KCNQ1OT1: variants seen among roughly 807,000 people sequenced by gnomAD.
The protein encoded by KCNQ1OT1 is KCNQ1 antisense RNA 2 (non-protein coding).
chr11:2,654,994 C>G lies in KCNQ1OT1; in HGVS notation n.45001G>C, dbSNP rs1487433664. ...AAAGTATCATGCAAAATAGAAAACACAGACACAATAAGGAAGGAAATGAAA... is the reference window on the plus strand; with the variant it reads ...AAAGTATCATGCAAAATAGAAAACAGAGACACAATAAGGAAGGAAATGAAA... On this transcript the variant is annotated non_coding_transcript_exon_variant, in exon 1 of 1. Transcript: ENST00000597346. This position sits in a 1 kb window ranked among gnomAD's most constrained non-coding sequence, Gnocchi z 6.4. The G allele has an allele frequency of 2.5e-6, 1 of 398,510 alleles. No homozygotes were observed. Among genetic ancestry groups the G allele is most frequent in the Non-Finnish European group, 4.4e-6 (1 of 226,070 alleles). The allele number at this position is 398,510 out of a possible 1,614,324, so 24.7% of individuals were successfully genotyped here. A position where few individuals can be genotyped will look rare whatever the true frequency, so the allele number is the denominator to read the frequency against.
chr11:2,649,631 A>G (rs1369039499), exon 1 of KCNQ1OT1: 3 of 398,444 alleles, frequency 7.5e-6, no homozygotes, highest in African/African-American at 4.1e-5. Flanking sequence ...ATGGCATTCA[A>G]TTCTTTCCTG....
rs1849689188 is a variant in KCNQ1OT1, at chr11:2,647,807, T to A, written n.52188A>T. 5.0e-6 allele frequency: 2 copies of A among 398,452 alleles called. No homozygotes were observed. The highest frequency in any genetic ancestry group is 4.4e-6 in the Non-Finnish European group (1 of 226,058). 24.7% of individuals were successfully genotyped at this position (398,452 alleles called of 1,614,324 possible). Reference sequence around the variant, plus strand: ...AGTTGTTCATAATGGTCTCTAATAATCTTTTGTATTTCTGTGGTGTCCATT... The same window carrying A: ...AGTTGTTCATAATGGTCTCTAATAAACTTTTGTATTTCTGTGGTGTCCATT... On this transcript the variant is annotated non_coding_transcript_exon_variant, in exon 1 of 1. Coordinates refer to ENST00000597346, the Ensembl canonical transcript of KCNQ1OT1. This position sits in a 1 kb window ranked among gnomAD's most constrained non-coding sequence, Gnocchi z 4.0.
exon 1 of KCNQ1OT1, chr11:2,622,718 G>A (rs1849195291): frequency 2.5e-6 from 1 of 398,432 alleles, no homozygotes; most frequent in East Asian, 3.6e-5. Context: ...GTATTTTAAA[G>A]ACTTTATATT....
chr11:2,628,506 C>T (rs1301863625), exon 1 of KCNQ1OT1: 1 of 398,144 alleles, frequency 2.5e-6, no homozygotes, highest in African/African-American at 2.1e-5. Flanking sequence ...AGTTTTTTTG[C>T]TAGTTATATG....
rs2133804257 is a variant in KCNQ1OT1, at chr11:2,620,992, T to C, written n.79003A>G. The stretch of plus-strand genomic sequence containing the variant: ...TTGCTTTTTTGTTTGTTTGTTTGTT[T>C]TTTGAGAAAGAGTCTTGCTCTGTCT... On this transcript the variant is annotated non_coding_transcript_exon_variant, in exon 1 of 1. Transcript: ENST00000597346. The surrounding 1 kb of genome is among the most constrained non-coding windows in gnomAD (Gnocchi z 4.5). 1 of 397,856 alleles carries C rather than the reference T, an allele frequency of 2.5e-6. No homozygotes were observed. The highest frequency in any genetic ancestry group is 3.6e-5 in the East Asian group (1 of 28,058). The allele number at this position is 397,856 out of a possible 1,614,324, so 24.6% of individuals were successfully genotyped here.
exon 1 of KCNQ1OT1, chr11:2,631,041 A>C (rs1001096021): frequency 3.5e-5 from 14 of 398,394 alleles, no homozygotes. Context: ...TTTTGATGGC[A>C]ATATATCTAG....
At chr11:2,631,272 C>A in exon 1 of KCNQ1OT1, 1 of 398,432 alleles carries the variant, frequency 2.5e-6, no homozygotes, top group East Asian at 3.6e-5. Flanking sequence ...CCCTTGTTAC[C>A]TTTTCATTCT....
rs963937034 is a variant in KCNQ1OT1, at chr11:2,664,982, G to T, written n.35013C>A. Reference sequence around the variant, plus strand: ...TGATTACGGGAAGGTCCCTGGGGCTGGGCGAAGCTCCTCTTTCCGGGGCCT... The same window carrying T: ...TGATTACGGGAAGGTCCCTGGGGCTTGGCGAAGCTCCTCTTTCCGGGGCCT... On this transcript the variant is annotated non_coding_transcript_exon_variant, in exon 1 of 1. Coordinates refer to ENST00000597346, the Ensembl canonical transcript of KCNQ1OT1. This position sits in a 1 kb window ranked among gnomAD's most constrained non-coding sequence, Gnocchi z 5.1. 13 of 398,540 alleles carry T rather than the reference G, an allele frequency of 3.3e-5. No homozygotes were observed. Among genetic ancestry groups the T allele is most frequent in the Non-Finnish European group, 5.3e-5 (12 of 226,128 alleles). The allele number at this position is 398,540 out of a possible 1,614,324, so 24.7% of individuals were successfully genotyped here.
At position 2,621,025 on chromosome 11, in the gene KCNQ1OT1, T is replaced by G; in HGVS notation, n.78970A>C. 2.5e-6 allele frequency: 1 copy of G among 397,340 alleles called. No individual in the cohort carries two copies. The highest frequency in any genetic ancestry group is 3.6e-5 in the East Asian group (1 of 28,048). 24.6% of individuals were successfully genotyped at this position (397,340 alleles called of 1,614,324 possible). A position where few individuals can be genotyped will look rare whatever the true frequency, so the allele number is the denominator to read the frequency against. On this transcript the variant is annotated non_coding_transcript_exon_variant, in exon 1 of 1. Transcript: ENST00000597346. This position sits in a 1 kb window ranked among gnomAD's most constrained non-coding sequence, Gnocchi z 5.7. ...AAGAGTCTTGCTCTGTCTCCCAGGC[T>G]GGAGTGCAGTGGCGCAATCTCGGCT...
rs1054115951 is a variant in KCNQ1OT1 at position 2,676,899 on chromosome 11, T to C, written n.23096A>G. 2 of 398,508 alleles carry C rather than the reference T, an allele frequency of 5.0e-6. No individual in the cohort carries two copies. The highest frequency in any genetic ancestry group is 4.4e-6 in the Non-Finnish European group (1 of 226,060). The allele number at this position is 398,508 out of a possible 1,614,324, so 24.7% of individuals were successfully genotyped here. A position where few individuals can be genotyped will look rare whatever the true frequency, so the allele number is the denominator to read the frequency against. On this transcript the variant is annotated non_coding_transcript_exon_variant, in exon 1 of 1. Coordinates refer to ENST00000597346, the Ensembl canonical transcript of KCNQ1OT1. This position sits in a 1 kb window ranked among gnomAD's most constrained non-coding sequence, Gnocchi z 4.2. ...TTTCTTAGTAAGTGTTCAGCCCCAG[T>C]GTGCACCACTTAAAAGGAAGACACT...
exon 1 of KCNQ1OT1, chr11:2,648,234 G>T: frequency 2.5e-6 from 1 of 398,634 alleles, no homozygotes; most frequent in South Asian, 1.3e-4. Flanking sequence ...TCATTTCATT[G>T]ATCTTTTGTC....
At chr11:2,699,241 A>G (rs765138151) in exon 1 of KCNQ1OT1, 7 of 398,674 alleles carry the variant, frequency 1.8e-5, no homozygotes, top group East Asian at 1.1e-4. Context: ...CACGCTGTCC[A>G]TAAGGTGCAG....
At chr11:2,637,441 A>G (rs1849491126) in exon 1 of KCNQ1OT1, 3 of 152,222 alleles carry the variant, frequency 2.0e-5, no homozygotes, top group Non-Finnish European at 4.4e-5. Flanking sequence ...TTCGTTATGT[A>G]CCCAGTAGTC....
chr11:2,663,474 T>A lies in KCNQ1OT1; in HGVS notation n.36521A>T. ...AAGTGATCAGTGTTAGTTTAGTGGCTCATGTTGTGTGCAATACAGGTGGCA... is the reference window on the plus strand; with the variant it reads ...AAGTGATCAGTGTTAGTTTAGTGGCACATGTTGTGTGCAATACAGGTGGCA... On this transcript the variant is annotated non_coding_transcript_exon_variant, in exon 1 of 1. Coordinates refer to ENST00000597346, the Ensembl canonical transcript of KCNQ1OT1. This position sits in a 1 kb window ranked among gnomAD's most constrained non-coding sequence, Gnocchi z 5.2. 2.5e-6 allele frequency: 1 copy of A among 398,686 alleles called. No individual in the cohort carries two copies. The highest frequency in any genetic ancestry group is 4.4e-6 in the Non-Finnish European group (1 of 226,130). The allele number at this position is 398,686 out of a possible 1,614,324, so 24.7% of individuals were successfully genotyped here. A position where few individuals can be genotyped will look rare whatever the true frequency, so the allele number is the denominator to read the frequency against.
At chr11:2,644,224 A>G in exon 1 of KCNQ1OT1, 1 of 398,420 alleles carries the variant, frequency 2.5e-6, no homozygotes, top group East Asian at 3.6e-5. Context: ...GGGACACTGA[A>G]GGTGTCACCT....
chr11:2,620,224 A>ATTAT lies in KCNQ1OT1; in HGVS notation n.79770_79771insATAA. ...GTATATATATATATTTTTTTTTTTT[A>ATTAT]TTTTTTTTTTAGACGGAGTTTCGCT... On this transcript the variant is annotated non_coding_transcript_exon_variant, in exon 1 of 1. Transcript: ENST00000597346. The surrounding 1 kb of genome is among the most constrained non-coding windows in gnomAD (Gnocchi z 4.5). 1 of 225,826 alleles carries ATTAT rather than the reference A, an allele frequency of 4.4e-6. No homozygotes were observed. Among genetic ancestry groups the ATTAT allele is most frequent in the African/African-American group, 2.8e-5 (1 of 36,122 alleles). 14.0% of individuals were successfully genotyped at this position (225,826 alleles called of 1,614,324 possible).
chr11:2,641,869 C>G, exon 1 of KCNQ1OT1: 1 of 398,394 alleles, frequency 2.5e-6, no homozygotes, highest in African/African-American at 2.1e-5. Context: ...ATTTTCCCAG[C>G]TCCATTAAGT....
Position 2,612,493 on chromosome 11 carries a change from T to C in KCNQ1OT1, n.87502A>G, listed in dbSNP as rs1564833494. 2.5e-6 allele frequency: 1 copy of C among 398,626 alleles called. No individual in the cohort carries two copies. Among genetic ancestry groups the C allele is most frequent in the Middle Eastern group, 6.3e-4 (1 of 1,588 alleles). 24.7% of individuals were successfully genotyped at this position (398,626 alleles called of 1,614,324 possible). ...CTTTATGGATCTGCGTTGAAGTTCA[T>C]TGATTCTTTCTTCTGCCAGGTCAAA... On this transcript the variant is annotated non_coding_transcript_exon_variant, in exon 1 of 1. Coordinates refer to ENST00000597346, the Ensembl canonical transcript of KCNQ1OT1. This position sits in a 1 kb window ranked among gnomAD's most constrained non-coding sequence, Gnocchi z 5.5.
chr11:2,644,730 A>G lies in KCNQ1OT1; in HGVS notation n.55265T>C, dbSNP rs1368720701. The G allele has an allele frequency of 1.5e-5, 6 of 398,474 alleles. No homozygotes were observed. The Admixed American group carries it at 2.2e-4, about 15-fold the overall frequency. The allele number at this position is 398,474 out of a possible 1,614,324, so 24.7% of individuals were successfully genotyped here. ...GAGTCTTGTTCCTGAAGATATATCT[A>G]TGGTGTTCTTTGGGCAGGGCACTTT... On this transcript the variant is annotated non_coding_transcript_exon_variant, in exon 1 of 1. Transcript: ENST00000597346.
Sources: gnomAD v4.1 joint callset for allele counts on GRCh38, gnomAD v4.1.1 for gene constraint, Gnocchi (gnomAD v3.1) non-coding constraint, MANE v1.5 for transcripts, NCBI Gene and HGNC (gene_info 2026-07-23, HGNC 2026-07-21) for gene names.